The following FBXO4 variants were observed in gnomAD, a reference collection of about 807,000 sequenced individuals.
FBXO4 encodes F-box only protein 4.
In FBXO4, 36 loss-of-function variants were observed where a neutral mutation model predicts 43.7. The observed-to-expected ratio is 0.82, with a 90% CI of 0.63 to 1.09. The LOEUF (loss-of-function observed/expected upper bound fraction) is 1.09, where lower values mean the gene tolerates loss of function less well. Among genes scored for constraint, FBXO4 ranks in the 50% least tolerant of loss-of-function variants. The pLI is 0.00. For missense variants in FBXO4, 435 were observed against 474.1 expected, an observed-to-expected ratio of 0.92 and a Z score of 0.77; for synonymous variants, 180 against 165.6, an observed-to-expected ratio of 1.09 and a Z score of -0.67.
chr5:41,948,901 G>C, the FBXO4 span, among the ~76,000 whole-genome samples: 2 of 152,042 alleles, frequency 1.3e-5, no homozygotes, highest in African/African-American at 4.8e-5. Flanking sequence ...TTGCAAGGCT[G>C]GTTCAACATA....
At chr5:41,941,993 C>T (rs1381925557), downstream of FBXO4, among the ~76,000 whole-genome samples, 1 of 151,954 alleles carries the variant, frequency 6.6e-6, no homozygotes, top group Non-Finnish European at 1.5e-5. Flanking sequence ...GGCTTATACT[C>T]GGCAGAAGAA....
chr5:42,028,431 T>C, the FBXO4 span, among the ~76,000 whole-genome samples: 3 of 151,918 alleles, frequency 2.0e-5, no homozygotes, highest in Non-Finnish European at 4.4e-5. Context: ...GTGAAGTGTG[T>C]TTCTTACAGA....
chr5:41,925,863 G>A (rs1036487268), intron 1 of FBXO4, among the ~76,000 whole-genome samples: 5 of 152,204 alleles, frequency 3.3e-5, no homozygotes, highest in African/African-American at 1.2e-4. Context: ...GCTTGGGAAA[G>A]CATTCCAGCG....
rs1436845244 is a variant in FBXO4 at position 41,929,906 on chromosome 5, G to C, written c.635G>C (p.Arg212Thr). ...ELCPTAGLPQ[R>T]QIDGIGSGVN... ...TGCCCAACAGCTGGTTTGCCTCAGA[G>C]GCAGATTGATGGTAATTTTCATGTT... Residue 212 changes from arginine to threonine, a missense_variant, in exon 3 of 7, where the codon AGG becomes ACG. By Grantham distance (71) the Arg-to-Thr change is moderately conservative. Transcript: ENST00000281623. 6.2e-7 allele frequency: 1 copy of C among 1,607,988 alleles called. No individual in the cohort carries two copies. Among genetic ancestry groups the C allele is most frequent in the Admixed American group, 1.7e-5 (1 of 58,620 alleles).
chr5:41,948,701 A>G, the FBXO4 span, among the ~76,000 whole-genome samples: 1 of 152,104 alleles, frequency 6.6e-6, no homozygotes, highest in Non-Finnish European at 1.5e-5. Flanking sequence ...ATATACTCAT[A>G]TTTTTGCCAT....
chr5:41,957,374 C>T, the FBXO4 span, among the ~76,000 whole-genome samples: 1 of 149,288 alleles, frequency 6.7e-6, no homozygotes, highest in Non-Finnish European at 1.5e-5. Flanking sequence ...TGATTATTAG[C>T]ATGCTGAATA....
the FBXO4 span, among the ~76,000 whole-genome samples, chr5:41,980,592 C>T: frequency 6.6e-6 from 1 of 151,912 alleles, no homozygotes; most frequent in Non-Finnish European, 1.5e-5. Flanking sequence ...CCAAAACATT[C>T]CTAAGTGAAC....
chr5:42,019,391 A>G, the FBXO4 span, among the ~76,000 whole-genome samples: 1 of 152,180 alleles, frequency 6.6e-6, no homozygotes, highest in Non-Finnish European at 1.5e-5. Flanking sequence ...TGTGTCTACT[A>G]GAAAATGTAA....
intron 3 of FBXO4, among the ~76,000 whole-genome samples, chr5:41,933,510 G>C (rs938784902): frequency 2.0e-5 from 3 of 152,256 alleles, no homozygotes; most frequent in Non-Finnish European, 4.4e-5. Context: ...GAGCCACTGT[G>C]CCTGCCCCCC....
At chr5:41,999,494 CATATATATATGT>C in the FBXO4 span, among the ~76,000 whole-genome samples, 82 of 86,830 alleles carry the variant, frequency 9.4e-4, no homozygotes, top group African/African-American at 4.2e-3. Flanking sequence ...TATATATATA[CATATATATATGT>C]GTATATATAT....
At chr5:41,926,114 A>G (rs1381866719) in intron 1 of FBXO4, among the ~76,000 whole-genome samples, 2 of 152,232 alleles carry the variant, frequency 1.3e-5, no homozygotes, top group African/African-American at 4.8e-5. Context: ...AAATGAAGAG[A>G]ACAAAAATTA....
the FBXO4 span, chr5:41,967,229 C>A: frequency 2.0e-6 from 1 of 494,302 alleles, no homozygotes; most frequent in South Asian, 1.6e-5. Flanking sequence ...TGGTATTCTT[C>A]ATTAGCATTG....
At chr5:42,010,816 C>T in the FBXO4 span, among the ~76,000 whole-genome samples, 1 of 152,144 alleles carries the variant, frequency 6.6e-6, no homozygotes, top group Non-Finnish European at 1.5e-5. Flanking sequence ...TACCAGCAAT[C>T]CATGAGTTTT....
the FBXO4 span, among the ~76,000 whole-genome samples, chr5:41,957,476 TAAC>T: frequency 6.7e-6 from 1 of 148,698 alleles, no homozygotes; most frequent in East Asian, 1.9e-4. Context: ...ACTATATTAA[TAAC>T]AATAATTATA....
At chr5:41,951,414 C>T in the FBXO4 span, 2 of 234,582 alleles carry the variant, frequency 8.5e-6, no homozygotes, top group Admixed American at 5.6e-5. Flanking sequence ...TAGGTAACTG[C>T]TGAATAGGCA....
the FBXO4 span, among the ~76,000 whole-genome samples, chr5:42,019,860 A>G: frequency 6.6e-6 from 1 of 152,116 alleles, no homozygotes; most frequent in African/African-American, 2.4e-5. Context: ...CTTATTTTAA[A>G]TAATTGAGTG....
At chr5:42,037,700 C>T in the FBXO4 span, among the ~76,000 whole-genome samples, 2 of 152,220 alleles carry the variant, frequency 1.3e-5, no homozygotes, top group African/African-American at 4.8e-5. Flanking sequence ...GAACTACTGA[C>T]ATCCACTGGT....
the FBXO4 span, among the ~76,000 whole-genome samples, chr5:42,000,021 C>A: frequency 6.6e-6 from 1 of 152,192 alleles, no homozygotes; most frequent in East Asian, 1.9e-4. Flanking sequence ...ATACTCTCTG[C>A]TTTTAAGAAT....
At chr5:41,925,612 C>G in intron 1 of FBXO4, 114 bp downstream of exon 1, 2 of 745,562 alleles carry the variant, frequency 2.7e-6, no homozygotes, top group Non-Finnish European at 3.7e-6. Context: ...GGGTCTGGCT[C>G]CGTCCATGCA....
Sources: allele counts gnomAD v4.1 joint callset (sites outside exome capture counted in the v4.1 genomes callset), GRCh38; gene constraint gnomAD v4.1.1; transcripts MANE v1.5; gene names NCBI Gene and HGNC (gene_info 2026-07-23, HGNC 2026-07-21).